PCDHGB1: variants seen among roughly 807,000 people sequenced by gnomAD.
PCDHGB1 encodes the protein protocadherin gamma subfamily B, 1, also known as protocadherin gamma-B1.
Under a neutral mutation model 56.6 loss-of-function variants are expected in PCDHGB1, and 34 were observed. That is an observed-to-expected ratio of 0.60 (90% CI 0.46 to 0.80). The LOEUF (loss-of-function observed/expected upper bound fraction) is 0.80. Ranked by LOEUF, PCDHGB1 falls within the 30% of genes least tolerant of loss-of-function variation. The pLI is 0.00. For missense variants in PCDHGB1, 1,278 were observed against 1,204.6 expected (o/e 1.06, Z -0.90); for synonymous variants, 561 against 505.9 (o/e 1.11, Z -1.46).
At chr5:141,404,221 T>C (rs1028021504) in intron 1 of PCDHGB1, 2 of 1,613,766 alleles carry the variant, frequency 1.2e-6, no homozygotes, top group Non-Finnish European at 1.7e-6. Context: ...TCACGGTGAC[T>C]GCAACAGACA....
In PCDHGB1 at chr5:141,393,718, C is replaced by G. The variant is rs185464441; in HGVS notation, c.2409+41049C>G. Reference sequence around the variant, plus strand: ...CTTAATGAAAATACTGGGGAAATATCAATAGCAAAAAGTCTAGATTATGAA... The same window carrying G: ...CTTAATGAAAATACTGGGGAAATATGAATAGCAAAAAGTCTAGATTATGAA... On this transcript the variant is annotated intron_variant, in intron 1 of 3. Transcript: ENST00000523390. 1.4e-4 allele frequency: 220 copies of G among 1,613,644 alleles called. 1 individual carries two copies. Among genetic ancestry groups the G allele is most frequent in the Non-Finnish European group, 1.8e-4 (214 of 1,179,840 alleles).
intron 1 of PCDHGB1, chr5:141,428,594 G>T (rs1317075888): frequency 4.4e-6 from 1 of 227,916 alleles, no homozygotes; most frequent in Admixed American, 5.2e-5. Context: ...CTGGTAGCAA[G>T]CTTCACTGAA....
At chr5:141,360,050 A>G (rs1185756542) in intron 1 of PCDHGB1, 40 of 1,435,476 alleles carry the variant, frequency 2.8e-5, no homozygotes, top group Non-Finnish European at 3.5e-5. Flanking sequence ...AGAAAACAAA[A>G]GCAGGAAAAG....
At chr5:141,401,919 G>A (rs2150915658) in intron 1 of PCDHGB1, among the ~76,000 whole-genome samples, 1 of 152,224 alleles carries the variant, frequency 6.6e-6, no homozygotes, top group Non-Finnish European at 1.5e-5. Context: ...ATAAGTTTAA[G>A]TGATGCTTAG....
chr5:141,351,998 C>A lies in PCDHGB1; in HGVS notation c.1738C>A (p.Pro580Thr). The change falls in exon 1 of 4, where the codon CCC (proline) becomes ACC (threonine). Residue 580 changes from proline to threonine, a missense_variant. Physicochemically the swap from Pro to Thr is conservative, Grantham distance 38 (BLOSUM62 -1). Coordinates refer to ENST00000523390, the MANE Select transcript of PCDHGB1 (RefSeq NM_018922.3). ...CGATATGGTGCCACGCGCCGCAGAG[C>A]CCGGCTACCTGGTGACCAAGGTGGT... ...LFDMVPRAAE[P>T]GYLVTKVVAV... is the part of the protein sequence containing the mutation. 1 of 1,610,868 alleles carries A rather than the reference C, an allele frequency of 6.2e-7. No homozygotes were observed. Among genetic ancestry groups the A allele is most frequent in the Non-Finnish European group, 8.5e-7 (1 of 1,179,450 alleles).
At chr5:141,353,603 C>G (rs953470140) in intron 1 of PCDHGB1, among the ~76,000 whole-genome samples, 1 of 152,120 alleles carries the variant, frequency 6.6e-6, no homozygotes, top group East Asian at 1.9e-4. Context: ...TTTTCTTAAC[C>G]ATTCCTAAAT....
chr5:141,405,330 T>A, intron 1 of PCDHGB1: 1 of 1,614,206 alleles, frequency 6.2e-7, no homozygotes. Flanking sequence ...CCTTTGTGCG[T>A]CTCTGTTGAT....
At chr5:141,373,491 C>T (rs975077178) in intron 1 of PCDHGB1, among the ~76,000 whole-genome samples, 1 of 152,180 alleles carries the variant, frequency 6.6e-6, no homozygotes, top group Non-Finnish European at 1.5e-5. Context: ...CCCCTGCACT[C>T]TAGCCTGGGA....
intron 1 of PCDHGB1, chr5:141,374,782 A>C (rs781674966): frequency 5.6e-6 from 9 of 1,613,904 alleles, no homozygotes; most frequent in Non-Finnish European, 7.6e-6. Flanking sequence ...TAACAGTTCT[A>C]GATGTGAATG....
At chr5:141,375,564 A>G (rs1771592295) in intron 1 of PCDHGB1, 3 of 1,613,974 alleles carry the variant, frequency 1.9e-6, no homozygotes, top group African/African-American at 1.3e-5. Flanking sequence ...CTGGCAGAAG[A>G]CACCCTCCAG....
At chr5:141,398,384 T>A (rs1413881140) in intron 1 of PCDHGB1, 1 of 1,454,330 alleles carries the variant, frequency 6.9e-7, no homozygotes, top group East Asian at 2.3e-5. Context: ...GAGTTGCTTG[T>A]GAGCAGCAGG....
chr5:141,404,195 G>A (rs1472875979), intron 1 of PCDHGB1: 1 of 1,613,400 alleles, frequency 6.2e-7, no homozygotes, highest in East Asian at 2.2e-5. Context: ...CCGAGAAAAA[G>A]CCTCAGAATA....
chr5:141,492,125 C>T (rs1284932830), intron 1 of PCDHGB1, among the ~76,000 whole-genome samples: 1 of 152,222 alleles, frequency 6.6e-6, no homozygotes, highest in Non-Finnish European at 1.5e-5. Context: ...TTCTCCCCAG[C>T]TCCCAGCATC....
intron 1 of PCDHGB1, chr5:141,421,860 C>G: frequency 8.1e-6 from 13 of 1,613,750 alleles, no homozygotes; most frequent in Non-Finnish European, 1.1e-5. Context: ...CTCACCTGCT[C>G]CTCCTCACAG....
intron 1 of PCDHGB1, chr5:141,375,284 TATTATCGATTAGTGACAA>T: frequency 3.1e-6 from 5 of 1,613,832 alleles, no homozygotes; most frequent in Non-Finnish European, 4.2e-6. Context: ...AGTTGGCAAT[TATTATCGATTAGTGACAA>T]ATGCAGCTCT....
In PCDHGB1 at chr5:141,402,724, G is replaced by A. The variant is rs558797465; in HGVS notation, c.2409+50055G>A. Among the ~76,000 whole-genome samples, 7 of 152,276 alleles carry A rather than the reference G, an allele frequency of 4.6e-5. No individual in the cohort carries two copies. The South Asian group carries it at 1.5e-3, about 32-fold the overall frequency. On this transcript the variant is annotated intron_variant, in intron 1 of 3. Transcript: ENST00000523390. Reference sequence around the variant, plus strand: ...GGGTGTAGTAACGGCTTAGGACTCTGAGCGCCGCTGTTGATCAACTCTAAG... The same window carrying A: ...GGGTGTAGTAACGGCTTAGGACTCTAAGCGCCGCTGTTGATCAACTCTAAG...
At chr5:141,434,035 T>C (rs2154556047) in intron 1 of PCDHGB1, among the ~76,000 whole-genome samples, 1 of 152,316 alleles carries the variant, frequency 6.6e-6, no homozygotes, top group Non-Finnish European at 1.5e-5. Flanking sequence ...AAGCATGGTT[T>C]TCTATTTTAT....
intron 1 of PCDHGB1, among the ~76,000 whole-genome samples, chr5:141,354,841 T>C (rs1367624307): frequency 6.6e-6 from 1 of 152,242 alleles, no homozygotes; most frequent in Admixed American, 6.5e-5. Context: ...TGGATCATTC[T>C]TGAATTTTCA....
intron 1 of PCDHGB1, chr5:141,441,078 G>T (rs1443239760): frequency 2.0e-5 from 3 of 152,140 alleles, no homozygotes; most frequent in Non-Finnish European, 4.4e-5. Context: ...CCATGGTTTT[G>T]GTAGCAAGTG....
Sources: gnomAD v4.1 joint callset for allele counts (sites outside exome capture counted in the v4.1 genomes callset) on GRCh38, gnomAD v4.1.1 for gene constraint, MANE v1.5 for transcripts, NCBI Gene and HGNC (gene_info 2026-07-23, HGNC 2026-07-21) for gene names.